PLA2G5: variants seen among roughly 807,000 people sequenced by gnomAD.
The protein encoded by PLA2G5 is Ca2+-dependent phospholipase A2.
Under a neutral mutation model 15.9 loss-of-function variants are expected in PLA2G5, and 12 were observed. That is an observed-to-expected ratio of 0.76 (90% CI 0.48 to 1.23). The LOEUF is 1.23. Ranked by LOEUF, PLA2G5 falls within the 50% of genes most tolerant of loss-of-function variation. PLA2G5 has a pLI of 0.00. For missense variants in PLA2G5, 169 were observed against 177.1 expected, an observed-to-expected ratio of 0.95 and a Z score of 0.26; for synonymous variants, 71 against 71.4, an observed-to-expected ratio of 0.99 and a Z score of 0.03.
chr1:20,067,691 C>CA (rs71010531), upstream of PLA2G5, among the ~76,000 whole-genome samples: 46 of 136,744 alleles, frequency 3.4e-4, no homozygotes, highest in South Asian at 4.5e-4. Context: ...CTGTCTCAAA[C>CA]AAAAAAAAAA....
intron 1 of PLA2G5, among the ~76,000 whole-genome samples, chr1:20,037,618 A>G (rs1469521973): frequency 6.6e-6 from 1 of 152,042 alleles, no homozygotes. Context: ...ATTAGCTGTT[A>G]TTTTCTCCTT....
At chr1:20,053,204 C>T (rs904958642) in intron 1 of PLA2G5, among the ~76,000 whole-genome samples, 2 of 152,114 alleles carry the variant, frequency 1.3e-5, no homozygotes, top group African/African-American at 4.8e-5. Context: ...AATTCTCAAG[C>T]CTTCTCTTTT....
chr1:20,030,546 A>G (rs1303616407), intron 1 of PLA2G5, among the ~76,000 whole-genome samples: 1 of 151,132 alleles, frequency 6.6e-6, no homozygotes, highest in Non-Finnish European at 1.5e-5. Context: ...TCTTATCTCA[A>G]TTGCAAAGAG....
Position 20,048,756 on chromosome 1 carries a change from A to C in PLA2G5, n.277-10876A>C, listed in dbSNP as rs538421031. Among the ~76,000 whole-genome samples, 3 of 152,328 alleles carry C rather than the reference A, an allele frequency of 2.0e-5. No individual in the cohort carries two copies. The South Asian group carries it at 6.2e-4, about 32-fold the overall frequency. On this transcript the variant is annotated intron_variant and non_coding_transcript_variant, in intron 1 of 6. Transcript: ENST00000460175. ...TATAATTTTGCAGTGGTGGTTCCAT[A>C]AGTTTAAATGATGACTATGACAGTT...
Position 20,062,851 on chromosome 1 carries a change from A to G in PLA2G5, n.337+3159A>G, listed in dbSNP as rs1015549784. ...GTAGTAAGGCAGCCAGATGAGTTCT[A>G]GGCCTGGCCTTCGAGAGACTCTGAG... On this transcript the variant is annotated intron_variant and non_coding_transcript_variant, in intron 2 of 6. Transcript: ENST00000460175. 1.2e-4 allele frequency among the ~76,000 whole-genome samples: 18 copies of G among 152,240 alleles called. No homozygotes were observed. In the East Asian group the frequency reaches 3.5e-3, roughly 29 times the overall value.
intron 3 of PLA2G5, 55 bp from the exon 4 acceptor site, chr1:20,089,734 A>G: frequency 7.0e-7 from 1 of 1,424,138 alleles, no homozygotes; most frequent in Non-Finnish European, 9.9e-7. Context: ...CCTATTAGGG[A>G]TGGGGTCAGG....
chr1:20,071,352 T>C (rs1342492270), intron 1 of PLA2G5, among the ~76,000 whole-genome samples: 1 of 152,222 alleles, frequency 6.6e-6, no homozygotes, highest in African/African-American at 2.4e-5. Context: ...CAGGGAGAGA[T>C]AAATGAGACA....
rs183561525 is a variant in PLA2G5, at chr1:20,055,964, T to G, written n.277-3668T>G. On this transcript the variant is annotated intron_variant and non_coding_transcript_variant, in intron 1 of 6. Transcript: ENST00000460175. ...CATTTTATCTGAGGTCTGCAGGGAG[T>G]TTAGGAGTTATCTGGGTAAGTATTT... Among the ~76,000 whole-genome samples, 131 of 152,070 alleles carry G rather than the reference T, an allele frequency of 8.6e-4. 1 individual carries two copies. The highest frequency in any genetic ancestry group is 3.4e-3 in the Middle Eastern group (1 of 294).
chr1:20,071,608 G>A (rs2015381896), intron 1 of PLA2G5, among the ~76,000 whole-genome samples: 1 of 152,126 alleles, frequency 6.6e-6, no homozygotes. Context: ...CGGGCAGGGC[G>A]ATGGATTCAC....
intron 1 of PLA2G5, among the ~76,000 whole-genome samples, chr1:20,029,596 C>G (rs2012795797): frequency 6.6e-6 from 1 of 152,156 alleles, no homozygotes; most frequent in Admixed American, 6.5e-5. Context: ...CCTCACCTAG[C>G]TTTATGGGAG....
At chr1:20,047,533 T>C (rs1350112529) in intron 1 of PLA2G5, among the ~76,000 whole-genome samples, 1 of 152,194 alleles carries the variant, frequency 6.6e-6, no homozygotes, top group Non-Finnish European at 1.5e-5. Flanking sequence ...AAGGTCAACC[T>C]GCAAAGTATA....
intron 1 of PLA2G5, among the ~76,000 whole-genome samples, chr1:20,077,138 A>G (rs1382804897): frequency 6.6e-6 from 1 of 152,246 alleles, no homozygotes; most frequent in African/African-American, 2.4e-5. Context: ...ACATTGTTCC[A>G]GGTGCTAAGA....
chr1:20,084,802 G>T lies in PLA2G5; in HGVS notation c.-10-19G>T. On this transcript the variant is annotated intron_variant, in intron 1 of 4. Transcript: ENST00000375108. ...GCATTGCCTGATAGATCTGTTGTGGGATGTGTTTTTTTTTCCAGAACCCCA... is the reference window on the plus strand; with the variant it reads ...GCATTGCCTGATAGATCTGTTGTGGTATGTGTTTTTTTTTCCAGAACCCCA... 6.3e-7 allele frequency: 1 copy of T among 1,578,954 alleles called. No homozygotes were observed. The highest frequency in any genetic ancestry group is 1.1e-5 in the South Asian group (1 of 90,312).
At chr1:20,053,093 A>G (rs964369122) in intron 1 of PLA2G5, among the ~76,000 whole-genome samples, 1 of 152,186 alleles carries the variant, frequency 6.6e-6, no homozygotes, top group African/African-American at 2.4e-5. Context: ...GCCTGATGTC[A>G]TCAGGGCCTC....
chr1:20,080,260 C>G (rs1022777637), intron 1 of PLA2G5, among the ~76,000 whole-genome samples: 1 of 152,156 alleles, frequency 6.6e-6, no homozygotes, highest in Admixed American at 6.5e-5. Context: ...ACTCTGATCA[C>G]TGTCCCTCCT....
chr1:20,039,837 T>G (rs818678), intron 1 of PLA2G5, among the ~76,000 whole-genome samples: 11 of 151,962 alleles, frequency 7.2e-5, no homozygotes, highest in Non-Finnish European at 1.3e-4. Context: ...AGCATTAGCT[T>G]GGTCAGGTTT....
chr1:20,080,859 C>CGA (rs2015975311), intron 1 of PLA2G5, among the ~76,000 whole-genome samples: 1 of 151,768 alleles, frequency 6.6e-6, no homozygotes, highest in Admixed American at 6.6e-5. Flanking sequence ...AGAGCAGGGC[C>CGA]GAGAGAGGGG....
intron 1 of PLA2G5, among the ~76,000 whole-genome samples, chr1:20,051,774 G>A (rs1250811838): frequency 6.6e-6 from 1 of 152,142 alleles, no homozygotes; most frequent in Non-Finnish European, 1.5e-5. Context: ...GGGAAAACTG[G>A]CCTCATACCT....
chr1:20,084,738 TG>T, intron 1 of PLA2G5, 82 bp from the exon 2 acceptor site: 1 of 882,360 alleles, frequency 1.1e-6, no homozygotes, highest in Non-Finnish European at 1.9e-6. Context: ...AGATGGGGCC[TG>T]GTGGAGAGCC....
Sources: gnomAD v4.1 joint callset for allele counts (sites outside exome capture counted in the v4.1 genomes callset) on GRCh38, gnomAD v4.1.1 for gene constraint, MANE v1.5 for transcripts, NCBI Gene and HGNC (gene_info 2026-07-23, HGNC 2026-07-21) for gene names.